The following AKR1C3 variants were observed in gnomAD, a reference collection of about 807,000 sequenced individuals.
AKR1C3 encodes the protein 3-alpha hydroxysteroid dehydrogenase, type II.
Under a neutral mutation model 43.6 loss-of-function variants are expected in AKR1C3, and 48 were observed. The ratio of observed to expected loss-of-function variants is 1.10; its 90% CI spans 0.87 to 1.40. The LOEUF (loss-of-function observed/expected upper bound fraction) is 1.40, where lower values mean the gene tolerates loss of function less well. AKR1C3 is among the 40% of genes most tolerant of loss of function. The pLI is 0.00. For missense variants in AKR1C3, 482 were observed against 391.2 expected (o/e 1.23, Z -1.96); for synonymous variants, 162 against 139.6 (o/e 1.16, Z -1.13).
chr10:5,084,544 T>G (rs1554782734), intron 1 of AKR1C3, among the ~76,000 whole-genome samples: 1 of 152,180 alleles, frequency 6.6e-6, no homozygotes, highest in East Asian at 1.9e-4. Flanking sequence ...GGCTTAGGAT[T>G]GACTTGGTGA....
At position 5,099,372 on chromosome 10, in the gene AKR1C3, G is replaced by T. The variant is rs1554785639; in HGVS notation, c.493G>T (p.Val165Leu). ...KDAGLAKSIG[V>L]SNFNRRQLEM... ...TGCAGGATTGGCCAAGTCCATTGGG[G>T]TGTCAAACTTCAACCGCAGGCAGCT... The change falls in exon 5 of 9, where the codon GTG becomes TTG. Residue 165 changes from valine to leucine, a missense_variant. Physicochemically the swap from Val to Leu is conservative, Grantham distance 32. Coordinates refer to ENST00000380554, the MANE Select transcript of AKR1C3 (RefSeq NM_003739.6). The T allele has an allele frequency of 6.2e-7, 1 of 1,614,158 alleles. No individual in the cohort carries two copies. The highest frequency in any genetic ancestry group is 1.7e-5 in the Admixed American group (1 of 60,016).
At chr10:5,082,622 T>G (rs1838862320) in intron 1 of AKR1C3, among the ~76,000 whole-genome samples, 2 of 152,178 alleles carry the variant, frequency 1.3e-5, no homozygotes, top group Admixed American at 1.3e-4. Flanking sequence ...TGTTTAATCA[T>G]CCTTGCATCC....
chr10:5,087,081 T>C, intron 1 of AKR1C3, among the ~76,000 whole-genome samples: 1 of 152,136 alleles, frequency 6.6e-6, no homozygotes, highest in East Asian at 1.9e-4. Context: ...AAAGTTAGTA[T>C]TGTTATGTGT....
At chr10:5,090,166 G>T (rs560090400), upstream of AKR1C3, among the ~76,000 whole-genome samples, 31 of 152,250 alleles carry the variant, frequency 2.0e-4, no homozygotes, top group South Asian at 6.4e-3. Context: ...ACCGTGGAAT[G>T]ATCAGTGCCC....
chr10:5,071,969 C>T (rs1022161200), intron 1 of AKR1C3, among the ~76,000 whole-genome samples: 6 of 152,302 alleles, frequency 3.9e-5, no homozygotes, highest in South Asian at 2.1e-4. Flanking sequence ...TTCTCTACTG[C>T]GATGTTATGT....
At chr10:5,091,685 C>T (rs983509472), upstream of AKR1C3, among the ~76,000 whole-genome samples, 39 of 152,222 alleles carry the variant, frequency 2.6e-4, no homozygotes, top group African/African-American at 9.4e-4. Flanking sequence ...AACTGCAATC[C>T]TATACAAAAC....
At chr10:5,097,740 A>C in intron 3 of AKR1C3, 190 bp downstream of exon 3, 9 of 1,383,984 alleles carry the variant, frequency 6.5e-6, no homozygotes, top group Non-Finnish European at 8.4e-6. Context: ...ATGCACACCT[A>C]CAAGAGAAGA....
intron 1 of AKR1C3, among the ~76,000 whole-genome samples, chr10:5,058,251 C>T (rs1554779841): frequency 3.3e-5 from 5 of 152,138 alleles, no homozygotes. Flanking sequence ...GTTGTGTATT[C>T]TCCTTCAATG....
chr10:5,054,828 G>T (rs1386635407), intron 1 of AKR1C3, among the ~76,000 whole-genome samples: 2 of 151,928 alleles, frequency 1.3e-5, no homozygotes, highest in Non-Finnish European at 2.9e-5. Flanking sequence ...CCTTTCTGCT[G>T]CCTCTGCCAG....
intron 1 of AKR1C3, among the ~76,000 whole-genome samples, chr10:5,084,975 G>A (rs1304724711): frequency 6.6e-6 from 1 of 152,094 alleles, no homozygotes; most frequent in Admixed American, 6.6e-5. Context: ...AGGAGATTTT[G>A]GGCTGAGACA....
At chr10:5,105,892 A>C (rs1489315715) in intron 8 of AKR1C3, among the ~76,000 whole-genome samples, 2 of 151,914 alleles carry the variant, frequency 1.3e-5, no homozygotes, top group Non-Finnish European at 2.9e-5. Flanking sequence ...TGCTCTCCTG[A>C]CTCCATGGAA....
chr10:5,087,376 CT>C, intron 1 of AKR1C3, among the ~76,000 whole-genome samples: 1 of 45,374 alleles, frequency 2.2e-5, no homozygotes, highest in East Asian at 1.1e-3. Context: ...TTTATCATTT[CT>C]TTCTTTTTTT....
intron 1 of AKR1C3, among the ~76,000 whole-genome samples, chr10:5,057,230 T>C (rs1268467368): frequency 6.6e-6 from 1 of 152,208 alleles, no homozygotes; most frequent in Non-Finnish European, 1.5e-5. Context: ...ACCACACTGA[T>C]AACAGGCCCT....
chr10:5,057,667 T>C (rs1050254328), intron 1 of AKR1C3, among the ~76,000 whole-genome samples: 8 of 152,138 alleles, frequency 5.3e-5, no homozygotes, highest in Non-Finnish European at 2.9e-5. Context: ...AGAACACAGG[T>C]CAACAGATGT....
chr10:5,077,625 G>A lies in AKR1C3; in HGVS notation c.85-18785G>A. 5.8e-6 allele frequency: 6 copies of A among 1,036,484 alleles called. No homozygotes were observed. The South Asian group carries it at 2.3e-4, about 39-fold the overall frequency. 64.2% of individuals were successfully genotyped at this position (1,036,484 alleles called of 1,614,324 possible). ...TTGATTTAATTGCTTGCCTGTCTGG[G>A]CAAGGAGTTTGGTTTTTGCTGAACA... On this transcript the variant is annotated intron_variant, in intron 1 of 8. Coordinates refer to the AKR1C3 transcript ENST00000439082.
intron 1 of AKR1C3, chr10:5,048,902 A>T (rs1293837948): frequency 1.2e-6 from 2 of 1,612,014 alleles, no homozygotes; most frequent in African/African-American, 2.7e-5. Context: ...AGAGGTAATA[A>T]TAATGTTTTT....
chr10:5,068,360 G>T (rs1321391533), intron 1 of AKR1C3, among the ~76,000 whole-genome samples: 1 of 151,846 alleles, frequency 6.6e-6, no homozygotes, highest in East Asian at 1.9e-4. Flanking sequence ...GTTTTCAGGG[G>T]CCATCTGATC....
intron 1 of AKR1C3, among the ~76,000 whole-genome samples, chr10:5,059,822 G>A (rs1428048153): frequency 3.3e-5 from 5 of 152,170 alleles, no homozygotes; most frequent in Non-Finnish European, 2.9e-5. Context: ...ATAGGTGATG[G>A]TCCCTTCGTG....
At chr10:5,097,372 C>A (rs1245046132) in intron 2 of AKR1C3, 62 bp from the exon 3 acceptor site, 12 of 1,580,652 alleles carry the variant, frequency 7.6e-6, no homozygotes, top group Non-Finnish European at 9.5e-6. Flanking sequence ...CTAGATGGCA[C>A]AAAGTAATAA....
Sources: allele counts gnomAD v4.1 joint callset (sites outside exome capture counted in the v4.1 genomes callset), GRCh38; gene constraint gnomAD v4.1.1; transcripts MANE v1.5; gene names NCBI Gene and HGNC (gene_info 2026-07-23, HGNC 2026-07-21).